Variants in LTBP2 observed in about 807,000 individuals in gnomAD.
LTBP2 encodes the protein latent transforming growth factor beta binding protein 2.
A neutral mutation model predicts 210.6 loss-of-function variants in LTBP2; 103 were observed. The observed-to-expected ratio is 0.49, with a 90% CI of 0.42 to 0.58. The LOEUF (loss-of-function observed/expected upper bound fraction) is 0.58. Ranked by LOEUF, LTBP2 falls within the 20% of genes least tolerant of loss-of-function variation. LTBP2 has a pLI of 0.00. For synonymous variants in LTBP2, 1,007 were observed against 1,015.0 expected (o/e 0.99, Z 0.15); for missense variants, 2,313 against 2,494.5 (o/e 0.93, Z 1.55).
chr14:74,585,849 C>A lies in LTBP2; in HGVS notation c.830+5G>T. 6.2e-7 allele frequency: 1 copy of A among 1,613,194 alleles called. No homozygotes were observed. The highest frequency in any genetic ancestry group is 8.5e-7 in the Non-Finnish European group (1 of 1,179,852). On this transcript the variant is annotated splice_donor_5th_base_variant and intron_variant, in intron 3 of 35. Coordinates refer to ENST00000261978, the MANE Select transcript of LTBP2 (RefSeq NM_000428.3). ...ACCCCAAGCCCCATGGAGAAGGGGA[C>A]TTACCCAGCTGGTGGCGACTGTGGT...
chr14:74,568,561 A>G (rs2139769446), intron 3 of LTBP2, among the ~76,000 whole-genome samples: 1 of 152,332 alleles, frequency 6.6e-6, no homozygotes, highest in East Asian at 1.9e-4. Flanking sequence ...GTCAAGGATG[A>G]GAATAATAAT....
chr14:74,557,356 T>C (rs1021886838), intron 3 of LTBP2, among the ~76,000 whole-genome samples: 1 of 152,226 alleles, frequency 6.6e-6, no homozygotes, highest in Non-Finnish European at 1.5e-5. Flanking sequence ...AGGCACACAC[T>C]GGTGTATTGC....
At chr14:74,526,601 G>A (rs754071823) in intron 13 of LTBP2, among the ~76,000 whole-genome samples, 6 of 152,226 alleles carry the variant, frequency 3.9e-5, no homozygotes, top group Non-Finnish European at 8.8e-5. Flanking sequence ...GGCAGAGGGT[G>A]AAAAAGGCCC....
intron 3 of LTBP2, among the ~76,000 whole-genome samples, chr14:74,581,744 C>T (rs1566648470): frequency 6.6e-6 from 1 of 152,186 alleles, no homozygotes; most frequent in Admixed American, 6.5e-5. Flanking sequence ...ACCTATACAA[C>T]TGTACAGAAA....
At chr14:74,568,887 A>G (rs1233402714) in intron 3 of LTBP2, among the ~76,000 whole-genome samples, 5 of 152,166 alleles carry the variant, frequency 3.3e-5, no homozygotes, top group Admixed American at 3.3e-4. Flanking sequence ...CATGCTTGAA[A>G]AGGAAGCCTT....
At chr14:74,548,066 T>C (rs917315167) in intron 8 of LTBP2, among the ~76,000 whole-genome samples, 17 of 152,006 alleles carry the variant, frequency 1.1e-4, no homozygotes, top group African/African-American at 4.1e-4. Context: ...AATCTCATCC[T>C]GGAAGTCACC....
At chr14:74,566,461 C>T (rs926295440) in intron 3 of LTBP2, among the ~76,000 whole-genome samples, 17 of 152,234 alleles carry the variant, frequency 1.1e-4, no homozygotes, top group African/African-American at 3.6e-4. Context: ...TTCAGCTTAA[C>T]ATGCCCTGTG....
At chr14:74,567,348 C>A (rs1302310505) in intron 3 of LTBP2, among the ~76,000 whole-genome samples, 1 of 152,198 alleles carries the variant, frequency 6.6e-6, no homozygotes, top group Non-Finnish European at 1.5e-5. Context: ...AAGCCCTGGC[C>A]CCTCGAGATC....
intron 3 of LTBP2, among the ~76,000 whole-genome samples, chr14:74,579,610 T>C (rs1247936819): frequency 1.3e-5 from 2 of 152,218 alleles, no homozygotes; most frequent in African/African-American, 4.8e-5. Flanking sequence ...TGCAGGCACA[T>C]GCTGCCATAC....
chr14:74,587,427 C>T (rs2088222366), intron 2 of LTBP2, among the ~76,000 whole-genome samples: 1 of 151,668 alleles, frequency 6.6e-6, no homozygotes, highest in African/African-American at 2.4e-5. Context: ...GGGTCCAGGC[C>T]GAACCAGGAG....
chr14:74,596,548 C>T (rs907043018), intron 2 of LTBP2, among the ~76,000 whole-genome samples: 18 of 152,286 alleles, frequency 1.2e-4, no homozygotes, highest in African/African-American at 3.6e-4. Context: ...GTGGAGATGC[C>T]GCTGCAGGAA....
chr14:74,509,278 A>G lies in LTBP2; in HGVS notation c.3363T>C (p.Asp1121=). ...TAGSFSCKDC[D]GGYRPSPLGD... ...CCAGGGGGCTGGGCCGGTAGCCCCCATCGCAGTCCTTGCAGGAGAAGGAGC... is the reference window on the plus strand; with the variant it reads ...CCAGGGGGCTGGGCCGGTAGCCCCCGTCGCAGTCCTTGCAGGAGAAGGAGC... Residue 1121 remains aspartate, a synonymous_variant, in exon 22 of 36, where the codon GAT becomes GAC. Transcript: ENST00000261978. 1 of 1,613,622 alleles carries G rather than the reference A, an allele frequency of 6.2e-7. No individual in the cohort carries two copies. Among genetic ancestry groups the G allele is most frequent in the Non-Finnish European group, 8.5e-7 (1 of 1,179,984 alleles).
intron 2 of LTBP2, among the ~76,000 whole-genome samples, chr14:74,596,829 G>C (rs1055588459): frequency 6.6e-6 from 1 of 152,210 alleles, no homozygotes; most frequent in Non-Finnish European, 1.5e-5. Context: ...AGACCTGCAC[G>C]GGGGAGTTAG....
At chr14:74,536,431 G>A (rs113599606) in intron 8 of LTBP2, among the ~76,000 whole-genome samples, 8 of 152,324 alleles carry the variant, frequency 5.3e-5, no homozygotes, top group African/African-American at 1.9e-4. Context: ...ACAGTGTCTT[G>A]TATTCTTGAA....
intron 8 of LTBP2, among the ~76,000 whole-genome samples, chr14:74,540,838 TTTA>T (rs2087490928): frequency 6.6e-5 from 1 of 15,124 alleles, no homozygotes; most frequent in African/African-American, 1.1e-4. Context: ...ATAATATATA[TTTA>T]TATATATTAT....
intron 2 of LTBP2, among the ~76,000 whole-genome samples, chr14:74,597,678 C>T (rs894152094): frequency 2.0e-5 from 3 of 152,172 alleles, no homozygotes; most frequent in African/African-American, 7.2e-5. Flanking sequence ...GGAAGGGTAC[C>T]CCCATGCAGG....
intron 8 of LTBP2, among the ~76,000 whole-genome samples, chr14:74,539,399 C>G (rs2087463600): frequency 6.6e-6 from 1 of 152,166 alleles, no homozygotes; most frequent in African/African-American, 2.4e-5. Flanking sequence ...GGTATCAACT[C>G]TCTAGATGTC....
chr14:74,533,511 T>C (rs1331470167), intron 9 of LTBP2, among the ~76,000 whole-genome samples: 2 of 151,968 alleles, frequency 1.3e-5, no homozygotes, highest in Non-Finnish European at 2.9e-5. Context: ...ATGTCTGCAG[T>C]GAGCTGGAGG....
At chr14:74,533,259 C>T (rs2087375030) in intron 9 of LTBP2, among the ~76,000 whole-genome samples, 2 of 152,352 alleles carry the variant, frequency 1.3e-5, no homozygotes, top group African/African-American at 4.8e-5. Context: ...GCCCACATGT[C>T]CTCATTTTAC....
Sources: gnomAD v4.1 joint callset for allele counts (sites outside exome capture counted in the v4.1 genomes callset) on GRCh38, gnomAD v4.1.1 for gene constraint, MANE v1.5 for transcripts, NCBI Gene and HGNC (gene_info 2026-07-23, HGNC 2026-07-21) for gene names.